The following BAZ2B variants were observed in gnomAD, a reference collection of about 807,000 sequenced individuals.
BAZ2B encodes bromodomain adjacent to zinc finger domain 2B.
BAZ2B carries 91 observed loss-of-function variants against 246.0 expected under a neutral mutation model. The ratio of observed to expected loss-of-function variants is 0.37; its 90% confidence interval spans 0.31 to 0.44. The LOEUF is 0.44. Among genes scored for constraint, BAZ2B ranks in the 20% least tolerant of loss-of-function variants. The probability of loss-of-function intolerance (pLI) is 1.00; values close to 1 mark genes in which losing one functional copy is unlikely to be tolerated. For synonymous variants in BAZ2B, 855 were observed against 860.0 expected, an observed-to-expected ratio of 0.99 and a Z score of 0.10; for missense variants, 2,332 against 2,533.7, an observed-to-expected ratio of 0.92 and a Z score of 1.71.
At chr2:159,682,337 T>C in the BAZ2B span, among the ~76,000 whole-genome samples, 4 of 151,862 alleles carry the variant, frequency 2.6e-5, no homozygotes, top group African/African-American at 4.8e-5. Context: ...TGGACCACCA[T>C]GCCCAGCTAA....
downstream of BAZ2B, among the ~76,000 whole-genome samples, chr2:159,315,374 T>C (rs2062015910): frequency 1.3e-5 from 2 of 151,928 alleles, no homozygotes; most frequent in African/African-American, 4.8e-5. Context: ...AAATCAGGAG[T>C]GGCTTAGCTG....
chr2:159,571,728 G>T (rs913942317), intron 1 of BAZ2B, among the ~76,000 whole-genome samples: 1 of 152,194 alleles, frequency 6.6e-6, no homozygotes, highest in Non-Finnish European at 1.5e-5. Flanking sequence ...AGGCTGGGAA[G>T]TCCAAGAGCA....
chr2:159,392,556 C>T (rs1480517561), intron 20 of BAZ2B, among the ~76,000 whole-genome samples: 2 of 152,080 alleles, frequency 1.3e-5, no homozygotes, highest in Non-Finnish European at 2.9e-5. Flanking sequence ...ATTCAATTTC[C>T]CCCCTGGACA....
intron 2 of BAZ2B, among the ~76,000 whole-genome samples, chr2:159,486,318 G>T (rs1279512677): frequency 6.6e-6 from 1 of 151,946 alleles, no homozygotes; most frequent in East Asian, 1.9e-4. Context: ...ATTTAAGATA[G>T]TTCTGGAAAG....
chr2:159,504,173 T>C (rs955983012), intron 2 of BAZ2B, among the ~76,000 whole-genome samples: 3 of 152,006 alleles, frequency 2.0e-5, no homozygotes, highest in African/African-American at 7.2e-5. Flanking sequence ...TAATTTATTA[T>C]TATTATACTT....
intron 3 of BAZ2B, among the ~76,000 whole-genome samples, chr2:159,469,428 C>A (rs1165318017): frequency 6.6e-6 from 1 of 151,866 alleles, no homozygotes; most frequent in Non-Finnish European, 1.5e-5. Context: ...ACATTTTTTA[C>A]TTATTTTATT....
At chr2:159,647,851 C>A in the BAZ2B span, among the ~76,000 whole-genome samples, 1 of 152,090 alleles carries the variant, frequency 6.6e-6, no homozygotes, top group Non-Finnish European at 1.5e-5. Context: ...TTACTTTATG[C>A]AATTATTCAT....
chr2:159,573,020 T>C (rs1266016940), intron 1 of BAZ2B, among the ~76,000 whole-genome samples: 1 of 151,916 alleles, frequency 6.6e-6, no homozygotes, highest in Non-Finnish European at 1.5e-5. Flanking sequence ...GAGGGCAAAA[T>C]ATCAAAAAGA....
Position 159,397,207 on chromosome 2 carries a change from T to C in BAZ2B, c.3009+138A>G. 7 of 1,271,350 alleles carry C rather than the reference T, an allele frequency of 5.5e-6. 1 individual carries two copies. In the South Asian group the frequency reaches 9.9e-5, roughly 18 times the overall value. 78.8% of individuals were successfully genotyped at this position (1,271,350 alleles called of 1,614,324 possible). A position where few individuals can be genotyped will look rare whatever the true frequency, so the allele number is the denominator to read the frequency against. On this transcript the variant is annotated intron_variant, in intron 19 of 36. Transcript: ENST00000392783. ...CCAATACCAAAGCAAGGCAATAAAC[T>C]GTAGGTTGAAGGAAAAACTTAAGCA...
At chr2:159,337,536 A>T (rs2065883866) in intron 32 of BAZ2B, 31 bp downstream of exon 32, 1 of 1,614,036 alleles carries the variant, frequency 6.2e-7, no homozygotes, top group Non-Finnish European at 8.5e-7. Context: ...GTTTGATCTG[A>T]ATGGTGGTAC....
chr2:159,592,729 T>C (rs1049964505), intron 1 of BAZ2B, among the ~76,000 whole-genome samples: 8 of 152,190 alleles, frequency 5.3e-5, no homozygotes, highest in Admixed American at 3.9e-4. Context: ...GCAGATCTTC[T>C]AGCCCCAGTT....
chr2:159,574,236 G>T (rs1246140878), intron 1 of BAZ2B, among the ~76,000 whole-genome samples: 1 of 151,514 alleles, frequency 6.6e-6, no homozygotes, highest in Non-Finnish European at 1.5e-5. Context: ...ATACACAAAT[G>T]GCCAATAAGC....
At chr2:159,490,409 C>G (rs554024416) in intron 2 of BAZ2B, among the ~76,000 whole-genome samples, 1 of 152,160 alleles carries the variant, frequency 6.6e-6, no homozygotes, top group Non-Finnish European at 1.5e-5. Context: ...CCCATCTAAC[C>G]TAAACCAAAT....
At chr2:159,598,635 G>A (rs1382792848) in intron 1 of BAZ2B, among the ~76,000 whole-genome samples, 1 of 151,780 alleles carries the variant, frequency 6.6e-6, no homozygotes, top group East Asian at 1.9e-4. Context: ...AGATTACAAG[G>A]TCAGGAGTTT....
chr2:159,340,069 T>A (rs1047751096), intron 31 of BAZ2B, among the ~76,000 whole-genome samples: 2 of 151,862 alleles, frequency 1.3e-5, no homozygotes, highest in African/African-American at 2.4e-5. Flanking sequence ...GAGACAGATA[T>A]AAAAAAGAAC....
At chr2:159,576,904 C>G (rs1685457571) in intron 1 of BAZ2B, among the ~76,000 whole-genome samples, 1 of 96,488 alleles carries the variant, frequency 1.0e-5, no homozygotes, top group Admixed American at 1.3e-4. Context: ...CAGAGTGAGA[C>G]TGTGTCTCAA....
chr2:159,339,948 A>C (rs1371541823), intron 31 of BAZ2B, among the ~76,000 whole-genome samples: 1 of 152,108 alleles, frequency 6.6e-6, no homozygotes, highest in Non-Finnish European at 1.5e-5. Flanking sequence ...GAGTAAGAGA[A>C]ATTGACTAAT....
At chr2:159,413,024 C>T (rs2067069565) in intron 13 of BAZ2B, among the ~76,000 whole-genome samples, 1 of 152,074 alleles carries the variant, frequency 6.6e-6, no homozygotes, top group Non-Finnish European at 1.5e-5. Flanking sequence ...TTCTGCAATA[C>T]CTAATAAATT....
chr2:159,324,779 A>T (rs768228502), intron 36 of BAZ2B, 32 bp downstream of exon 36: 1 of 1,418,614 alleles, frequency 7.0e-7, no homozygotes, highest in Non-Finnish European at 9.3e-7. Context: ...GGTATTCAAT[A>T]AATATTTAGT....
Sources: allele counts gnomAD v4.1 joint callset (sites outside exome capture counted in the v4.1 genomes callset), GRCh38; gene constraint gnomAD v4.1.1; transcripts MANE v1.5; gene names NCBI Gene and HGNC (gene_info 2026-07-23, HGNC 2026-07-21).